The following LUZP2 variants were observed in gnomAD, a reference collection of about 807,000 sequenced individuals.
LUZP2 encodes the protein leucine zipper protein 2.
Under a neutral mutation model 51.6 loss-of-function variants are expected in LUZP2, and 52 were observed. The ratio of observed to expected loss-of-function variants is 1.01; its 90% CI spans 0.81 to 1.27. The LOEUF (loss-of-function observed/expected upper bound fraction) is 1.27, where lower values mean the gene tolerates loss of function less well. LUZP2 is among the 50% of genes most tolerant of loss of function. The pLI is 0.00. For synonymous variants in LUZP2, 154 were observed against 137.3 expected (o/e 1.12, Z -0.85); for missense variants, 436 against 395.4 (o/e 1.10, Z -0.87).
intron 7 of LUZP2, among the ~76,000 whole-genome samples, chr11:24,927,164 C>CA (rs1854305079): frequency 6.7e-6 from 1 of 150,356 alleles, no homozygotes; most frequent in South Asian, 2.1e-4. Context: ...AATCCTTTGT[C>CA]AAAAATACAA....
At chr11:24,810,915 T>C (rs544027176) in intron 5 of LUZP2, among the ~76,000 whole-genome samples, 2 of 152,230 alleles carry the variant, frequency 1.3e-5, no homozygotes, top group South Asian at 4.1e-4. Context: ...GTAGCAAGAT[T>C]GTAGCTCCTA....
intron 5 of LUZP2, among the ~76,000 whole-genome samples, chr11:24,896,707 A>G (rs1853072655): frequency 6.6e-6 from 1 of 152,214 alleles, no homozygotes; most frequent in South Asian, 2.1e-4. Context: ...ACTGGTGGGC[A>G]GCTCCACCGG....
At chr11:24,587,787 A>T (rs552752927) in intron 1 of LUZP2, among the ~76,000 whole-genome samples, 114 of 152,080 alleles carry the variant, frequency 7.5e-4, no homozygotes, top group African/African-American at 2.1e-3. Flanking sequence ...AGTTTTTTTT[A>T]AAAAAAGTAA....
At chr11:24,801,830 C>G (rs1308658192) in intron 5 of LUZP2, among the ~76,000 whole-genome samples, 2 of 150,230 alleles carry the variant, frequency 1.3e-5, no homozygotes, top group Admixed American at 6.7e-5. Context: ...GGCTCTACCA[C>G]TTAATAGCTG....
intron 5 of LUZP2, among the ~76,000 whole-genome samples, chr11:24,870,653 T>TG (rs1391895424): frequency 1.3e-5 from 2 of 152,200 alleles, no homozygotes; most frequent in African/African-American, 4.8e-5. Flanking sequence ...CTAAAGTCTC[T>TG]GGGCTTTTGA....
At chr11:24,789,201 T>G (rs1849336651) in intron 5 of LUZP2, among the ~76,000 whole-genome samples, 1 of 152,142 alleles carries the variant, frequency 6.6e-6, no homozygotes, top group South Asian at 2.1e-4. Context: ...TTCATTTGAG[T>G]TTGCTAAATG....
intron 1 of LUZP2, among the ~76,000 whole-genome samples, chr11:24,534,555 T>A (rs1170878951): frequency 6.6e-6 from 1 of 151,276 alleles, no homozygotes; most frequent in Admixed American, 6.6e-5. Context: ...CATATTTATA[T>A]ATAGAGAGAG....
intron 5 of LUZP2, among the ~76,000 whole-genome samples, chr11:24,856,921 C>G (rs1472922519): frequency 1.3e-5 from 2 of 151,774 alleles, no homozygotes; most frequent in African/African-American, 2.4e-5. Flanking sequence ...TATAGATCAT[C>G]AGTAGAGACT....
chr11:24,765,109 G>A (rs968547167), intron 5 of LUZP2, among the ~76,000 whole-genome samples: 8 of 152,006 alleles, frequency 5.3e-5, no homozygotes, highest in East Asian at 3.9e-4. Context: ...ACATATATTA[G>A]CAATTAAATG....
intron 9 of LUZP2, among the ~76,000 whole-genome samples, chr11:24,996,664 A>G (rs570023569): frequency 4.1e-5 from 6 of 147,726 alleles, no homozygotes; most frequent in Admixed American, 1.4e-4. Flanking sequence ...GCATGTGCAC[A>G]ATGTGAAGGT....
chr11:25,078,518 G>T (rs1167755573), intron 11 of LUZP2, 36 bp from the exon 12 acceptor site: 5 of 1,519,368 alleles, frequency 3.3e-6, no homozygotes, highest in Non-Finnish European at 4.5e-6. Flanking sequence ...GTGTTATTTT[G>T]ATTCTTCGAA....
At chr11:24,889,873 G>C (rs1286589347) in intron 5 of LUZP2, among the ~76,000 whole-genome samples, 1 of 152,164 alleles carries the variant, frequency 6.6e-6, no homozygotes, top group Non-Finnish European at 1.5e-5. Flanking sequence ...TGGCCACAAA[G>C]ATATCTATGT....
chr11:25,014,211 C>T (rs1191926934), intron 9 of LUZP2, among the ~76,000 whole-genome samples: 26 of 152,262 alleles, frequency 1.7e-4, no homozygotes, highest in East Asian at 1.2e-3. Flanking sequence ...AATAAACATA[C>T]GTGTGCGTGT....
rs75724218 is a variant in LUZP2, at chr11:24,835,681, C to A, written c.397-70310C>A. 3.6e-3 allele frequency among the ~76,000 whole-genome samples: 543 copies of A among 152,078 alleles called. 2 individuals carry two copies. The highest frequency in any genetic ancestry group is 0.012 in the African/African-American group (512 of 41,538). On this transcript the variant is annotated intron_variant, in intron 5 of 11. Transcript: ENST00000336930. ...CAGAGCTAGATGAAATTTCATGTTTCCTGATGCCTATTTCATTTCACATTG... is the reference window on the plus strand; with the variant it reads ...CAGAGCTAGATGAAATTTCATGTTTACTGATGCCTATTTCATTTCACATTG...
chr11:24,668,289 T>A (rs1480943799), intron 1 of LUZP2, among the ~76,000 whole-genome samples: 1 of 151,938 alleles, frequency 6.6e-6, no homozygotes, highest in Non-Finnish European at 1.5e-5. Flanking sequence ...AATTTACGAG[T>A]TTCATCGAAG....
chr11:24,997,404 G>A (rs1590816194), intron 9 of LUZP2, among the ~76,000 whole-genome samples: 1 of 152,112 alleles, frequency 6.6e-6, no homozygotes, highest in African/African-American at 2.4e-5. Flanking sequence ...TTTTTTGGCT[G>A]CATAAATGTC....
intron 1 of LUZP2, among the ~76,000 whole-genome samples, chr11:24,679,576 T>C (rs1288026336): frequency 6.6e-6 from 1 of 152,186 alleles, no homozygotes; most frequent in Non-Finnish European, 1.5e-5. Flanking sequence ...AAATTAACTA[T>C]TTTAAAAATC....
At chr11:24,997,391 G>C (rs1403556932) in intron 9 of LUZP2, among the ~76,000 whole-genome samples, 4 of 152,112 alleles carry the variant, frequency 2.6e-5, no homozygotes, top group Non-Finnish European at 5.9e-5. Flanking sequence ...ATTTTTTCCT[G>C]TGTTTTTTGG....
At chr11:24,676,017 C>T (rs923715667) in intron 1 of LUZP2, among the ~76,000 whole-genome samples, 2 of 151,868 alleles carry the variant, frequency 1.3e-5, no homozygotes, top group South Asian at 2.1e-4. Flanking sequence ...CGGAGTTTCA[C>T]CATGTTGGTC....
Sources: gnomAD v4.1 joint callset for allele counts (sites outside exome capture counted in the v4.1 genomes callset) on GRCh38, gnomAD v4.1.1 for gene constraint, MANE v1.5 for transcripts, NCBI Gene and HGNC (gene_info 2026-07-23, HGNC 2026-07-21) for gene names.